Variants in PDK1 observed in about 807,000 individuals in gnomAD.
The protein encoded by PDK1 is [Pyruvate dehydrogenase (acetyl-transferring)] kinase isozyme 1, mitochondrial.
In PDK1, 39 loss-of-function variants were observed where a neutral mutation model predicts 54.2. The ratio of observed to expected loss-of-function variants is 0.72; its 90% CI spans 0.56 to 0.94. The LOEUF is 0.94. Ranked by LOEUF, PDK1 falls within the 40% of genes least tolerant of loss-of-function variation. The pLI is 0.00. For synonymous variants in PDK1, 221 were observed against 207.1 expected (o/e 1.07, Z -0.58); for missense variants, 552 against 566.0 (o/e 0.98, Z 0.25).
In PDK1 at chr2:172,599,754, G is replaced by C. The variant is rs1223450490; in HGVS notation, c.*3785G>C. On this transcript the variant is annotated 3_prime_UTR_variant, in exon 11 of 11. Transcript: ENST00000282077. Reference sequence around the variant, plus strand: ...CATATGTACCACCCCCCTCTTTCTAGAGTCTCCACAGTTCTTTAGCAATTG... The same window carrying C: ...CATATGTACCACCCCCCTCTTTCTACAGTCTCCACAGTTCTTTAGCAATTG... The C allele has an allele frequency of 6.6e-6, 1 of 152,118 alleles. No homozygotes were observed. The highest frequency in any genetic ancestry group is 1.9e-4 in the East Asian group (1 of 5,192). 9.4% of individuals were successfully genotyped at this position (152,118 alleles called of 1,614,324 possible).
At chr2:172,722,175 C>T in the PDK1 span, among the ~76,000 whole-genome samples, 1 of 152,250 alleles carries the variant, frequency 6.6e-6, no homozygotes, top group African/African-American at 2.4e-5. Flanking sequence ...GACAGAGCCT[C>T]TATTGGTCCT....
At chr2:172,574,791 AATGTCTTT>A (rs1217015630) in intron 8 of PDK1, among the ~76,000 whole-genome samples, 1 of 152,138 alleles carries the variant, frequency 6.6e-6, no homozygotes, top group Admixed American at 6.5e-5. Context: ...ATCCTTGCCA[AATGTCTTT>A]ATTAGTGCTA....
the PDK1 span, among the ~76,000 whole-genome samples, chr2:172,721,628 G>A: frequency 9.9e-5 from 15 of 152,196 alleles, no homozygotes; most frequent in Admixed American, 9.8e-4. Context: ...GTCAGCCACC[G>A]TGCCTGGCCC....
chr2:172,683,035 G>A, the PDK1 span, among the ~76,000 whole-genome samples: 1 of 151,954 alleles, frequency 6.6e-6, no homozygotes, highest in Non-Finnish European at 1.5e-5. Context: ...TGAGGTTTGG[G>A]TTGTGTGCTT....
At chr2:172,567,245 A>G (rs549383772) in intron 6 of PDK1, among the ~76,000 whole-genome samples, 94 of 152,334 alleles carry the variant, frequency 6.2e-4, no homozygotes, top group Admixed American at 1.1e-3. Context: ...TGACTTTTAC[A>G]TGCACTTCAC....
intron 8 of PDK1, among the ~76,000 whole-genome samples, chr2:172,581,909 T>TG (rs1689931791): frequency 1.3e-5 from 2 of 152,138 alleles, no homozygotes; most frequent in African/African-American, 4.8e-5. Context: ...ATGTCTTTTT[T>TG]TTGTGTGTGT....
chr2:172,658,474 C>T, the PDK1 span, among the ~76,000 whole-genome samples: 7 of 152,074 alleles, frequency 4.6e-5, no homozygotes, highest in African/African-American at 1.4e-4. Context: ...AATATGAAAT[C>T]AGTGCACCTT....
the PDK1 span, among the ~76,000 whole-genome samples, chr2:172,642,197 A>AAAGG: frequency 6.6e-6 from 1 of 152,184 alleles, no homozygotes; most frequent in East Asian, 1.9e-4. Context: ...TGTAGGAAAA[A>AAAGG]AAGGATATGT....
At chr2:172,584,842 T>TTC (rs1690126529) in intron 8 of PDK1, among the ~76,000 whole-genome samples, 1 of 149,288 alleles carries the variant, frequency 6.7e-6, no homozygotes, top group East Asian at 2.0e-4. Context: ...TTTTTTTTTT[T>TTC]TTTTTTTTGT....
At chr2:172,721,667 A>G in the PDK1 span, among the ~76,000 whole-genome samples, 1 of 152,180 alleles carries the variant, frequency 6.6e-6, no homozygotes, top group African/African-American at 2.4e-5. Flanking sequence ...TATTCTAGAG[A>G]TTAAAATTTT....
In PDK1 at chr2:172,602,382, T is replaced by A. The variant is rs1691144512; in HGVS notation, c.*6413T>A. 2 of 152,196 alleles carry A rather than the reference T, an allele frequency of 1.3e-5. No individual in the cohort carries two copies. Among genetic ancestry groups the A allele is most frequent in the South Asian group, 2.1e-4 (1 of 4,830 alleles). The allele number at this position is 152,196 out of a possible 1,614,324, so 9.4% of individuals were successfully genotyped here. A position where few individuals can be genotyped will look rare whatever the true frequency, so the allele number is the denominator to read the frequency against. ...AGATTAAAGGAGAAAAACTATATGA[T>A]CACATCAACAGAAACAGGAAATTCA... On this transcript the variant is annotated 3_prime_UTR_variant, in exon 11 of 11. Transcript: ENST00000282077.
At chr2:172,615,636 A>G in the PDK1 span, among the ~76,000 whole-genome samples, 3 of 151,984 alleles carry the variant, frequency 2.0e-5, no homozygotes, top group Admixed American at 2.0e-4. Context: ...AAAAAAAAAC[A>G]TTAATTAATA....
the PDK1 span, among the ~76,000 whole-genome samples, chr2:172,668,284 T>A: frequency 6.6e-6 from 1 of 151,694 alleles, no homozygotes; most frequent in East Asian, 1.9e-4. Context: ...CTTTATTTTT[T>A]TTTTTTTTTG....
chr2:172,577,952 C>G (rs1009627677), intron 8 of PDK1, among the ~76,000 whole-genome samples: 1 of 152,090 alleles, frequency 6.6e-6, no homozygotes, highest in African/African-American at 2.4e-5. Context: ...AATGTTTTGT[C>G]TAGTATCCTT....
the PDK1 span, among the ~76,000 whole-genome samples, chr2:172,717,907 C>G: frequency 6.6e-6 from 1 of 152,118 alleles, no homozygotes; most frequent in Non-Finnish European, 1.5e-5. Context: ...ATGTGTAAGA[C>G]ACTTCATTTT....
the PDK1 span, among the ~76,000 whole-genome samples, chr2:172,632,980 C>CAAACAAAAAAAAAA: frequency 1.3e-5 from 1 of 75,468 alleles, no homozygotes; most frequent in African/African-American, 5.3e-5. Context: ...GATTCTGTCT[C>CAAACAAAAAAAAAA]AAAAAAAAAA....
At chr2:172,720,928 C>T in the PDK1 span, among the ~76,000 whole-genome samples, 1 of 152,156 alleles carries the variant, frequency 6.6e-6, no homozygotes, top group African/African-American at 2.4e-5. Context: ...TCTGGTCCCC[C>T]ACCCTCACCC....
At chr2:172,608,743 T>C (rs1163751231), downstream of PDK1, 2 of 152,172 alleles carry the variant, frequency 1.3e-5, no homozygotes, top group Non-Finnish European at 1.5e-5. Flanking sequence ...ACTGTATGAT[T>C]GTTCATTCAC....
the PDK1 span, among the ~76,000 whole-genome samples, chr2:172,649,064 T>A: frequency 3.9e-5 from 6 of 152,216 alleles, no homozygotes; most frequent in African/African-American, 1.4e-4. Flanking sequence ...CCAAGTAGCC[T>A]AACTGGGAGA....
Sources: allele counts gnomAD v4.1 joint callset (sites outside exome capture counted in the v4.1 genomes callset), GRCh38; gene constraint gnomAD v4.1.1; transcripts MANE v1.5; gene names NCBI Gene and HGNC (gene_info 2026-07-23, HGNC 2026-07-21).